SMYD2: variants seen among roughly 807,000 people sequenced by gnomAD.
SMYD2 encodes the protein N-lysine methyltransferase SMYD2.
In SMYD2, 53 loss-of-function variants were observed where a neutral mutation model predicts 59.1. That is an observed-to-expected ratio of 0.90 (90% CI 0.72 to 1.13). The LOEUF is 1.13. Among genes scored for constraint, SMYD2 ranks in the 50% most tolerant of loss-of-function variants. The pLI is 0.00. For synonymous variants in SMYD2, 208 were observed against 198.8 expected (o/e 1.05, Z -0.39); for missense variants, 494 against 544.7 (o/e 0.91, Z 0.93).
At chr1:214,328,050 ACAGT>A (rs1558057373) in intron 7 of SMYD2, among the ~76,000 whole-genome samples, 1 of 152,248 alleles carries the variant, frequency 6.6e-6, no homozygotes, top group African/African-American at 2.4e-5. Context: ...CAAAATGACC[ACAGT>A]CAAACTTTTG....
intron 10 of SMYD2, chr1:214,332,854 A>C (rs1410822393): frequency 2.0e-5 from 3 of 152,256 alleles, no homozygotes; most frequent in Middle Eastern, 3.4e-3. Context: ...AGATGGGATC[A>C]CTGGAGCTCT....
At chr1:214,332,351 C>T (rs376888777) in intron 10 of SMYD2, 159 bp downstream of exon 10, 23 of 780,060 alleles carry the variant, frequency 2.9e-5, no homozygotes, top group African/African-American at 2.4e-4. Context: ...GCACTGCTCC[C>T]GAGTCAGGCC....
chr1:214,305,003 C>T (rs1320997743), intron 1 of SMYD2, among the ~76,000 whole-genome samples, 184 bp from the exon 2 acceptor site: 5 of 152,142 alleles, frequency 3.3e-5, no homozygotes, highest in Admixed American at 1.3e-4. Flanking sequence ...ATTTGACTCA[C>T]TCACTCCTCA....
At chr1:214,288,736 A>G (rs772222178) in intron 1 of SMYD2, among the ~76,000 whole-genome samples, 5 of 152,224 alleles carry the variant, frequency 3.3e-5, no homozygotes, top group African/African-American at 4.8e-5. Context: ...AAATTTGCAT[A>G]AGAGCTACAC....
chr1:214,301,113 C>G (rs1656816825), intron 1 of SMYD2, among the ~76,000 whole-genome samples: 1 of 152,134 alleles, frequency 6.6e-6, no homozygotes, highest in Non-Finnish European at 1.5e-5. Context: ...TTGTAAGTCT[C>G]TTTAATGTCT....
intron 10 of SMYD2, chr1:214,333,147 C>G (rs1657383512): frequency 6.6e-6 from 1 of 152,338 alleles, no homozygotes; most frequent in Admixed American, 6.5e-5. Context: ...CTCTTAAAAT[C>G]TGCTCTTGGA....
intron 2 of SMYD2, among the ~76,000 whole-genome samples, chr1:214,308,571 G>A (rs902677527): frequency 6.6e-6 from 1 of 152,112 alleles, no homozygotes; most frequent in African/African-American, 2.4e-5. Flanking sequence ...CAAGAGCAGC[G>A]ATGAGGAAGG....
intron 5 of SMYD2, among the ~76,000 whole-genome samples, chr1:214,322,717 C>G (rs897436851): frequency 7.9e-5 from 12 of 152,206 alleles, no homozygotes; most frequent in African/African-American, 2.9e-4. Flanking sequence ...AATGCCTAGT[C>G]TGAATTCTGG....
At chr1:214,285,400 C>T (rs984739410) in intron 1 of SMYD2, among the ~76,000 whole-genome samples, 2 of 152,184 alleles carry the variant, frequency 1.3e-5, no homozygotes, top group Admixed American at 1.3e-4. Flanking sequence ...GTGCCCAGGA[C>T]TGCTATGACT....
At chr1:214,325,070 A>G (rs1350354945) in intron 6 of SMYD2, among the ~76,000 whole-genome samples, 12 of 152,240 alleles carry the variant, frequency 7.9e-5, no homozygotes, top group Admixed American at 7.8e-4. Context: ...TTAATTGCCA[A>G]CCAAGAATTG....
chr1:214,336,892 G>T lies in SMYD2; in HGVS notation c.*108G>T, dbSNP rs775756706. 1.0e-6 allele frequency: 1 copy of T among 977,858 alleles called. No individual in the cohort carries two copies. Among genetic ancestry groups the T allele is most frequent in the Non-Finnish European group, 1.5e-6 (1 of 674,358 alleles). 60.6% of individuals were successfully genotyped at this position (977,858 alleles called of 1,614,324 possible). A position where few individuals can be genotyped will look rare whatever the true frequency, so the allele number is the denominator to read the frequency against. ...CTCCAGCATCTCTGTAAAATAATTG[G>T]AATGAAAATACTTCTTGCACTTAAA... On this transcript the variant is annotated 3_prime_UTR_variant, in exon 12 of 12. Transcript: ENST00000366957.
rs1186016214 is a variant in SMYD2, at chr1:214,318,205, T to C, written c.409+66T>C. ...CAGATTTCACATGGGTTGGGCAGGATTGAAGCGAGGACGGGCTAGTTTGTG... is the reference window on the plus strand; with the variant it reads ...CAGATTTCACATGGGTTGGGCAGGACTGAAGCGAGGACGGGCTAGTTTGTG... On this transcript the variant is annotated intron_variant, in intron 4 of 11. Transcript: ENST00000366957. The surrounding 1 kb of genome is among the most constrained non-coding windows in gnomAD (Gnocchi z 5.4). The C allele has an allele frequency of 1.4e-6, 2 of 1,469,268 alleles. No homozygotes were observed. The highest frequency in any genetic ancestry group is 1.4e-5 in the African/African-American group (1 of 71,344). The allele number at this position is 1,469,268 out of a possible 1,614,324, so 91.0% of individuals were successfully genotyped here. A position where few individuals can be genotyped will look rare whatever the true frequency, so the allele number is the denominator to read the frequency against.
intron 2 of SMYD2, among the ~76,000 whole-genome samples, chr1:214,307,671 G>T (rs1656935353): frequency 6.6e-6 from 1 of 152,156 alleles, no homozygotes. Flanking sequence ...CTCATGAGGT[G>T]GCAGTATTTT....
chr1:214,299,838 C>T (rs563801655), intron 1 of SMYD2, among the ~76,000 whole-genome samples: 42 of 152,252 alleles, frequency 2.8e-4, no homozygotes, highest in Admixed American at 1.5e-3. Flanking sequence ...GATCTCCTGA[C>T]CTCGTGATCT....
intron 1 of SMYD2, among the ~76,000 whole-genome samples, chr1:214,301,317 T>A (rs1337569769): frequency 6.6e-6 from 1 of 152,200 alleles, no homozygotes; most frequent in East Asian, 1.9e-4. Flanking sequence ...TGATAATTGA[T>A]GTTGTCTTAA....
chr1:214,334,819 A>T (rs1657411170), intron 11 of SMYD2, among the ~76,000 whole-genome samples: 1 of 152,148 alleles, frequency 6.6e-6, no homozygotes, highest in Non-Finnish European at 1.5e-5. Flanking sequence ...GAAGAAAGTG[A>T]GGTTCAAGCA....
intron 1 of SMYD2, among the ~76,000 whole-genome samples, chr1:214,286,443 G>A (rs1042565150): frequency 2.0e-5 from 3 of 151,944 alleles, no homozygotes; most frequent in African/African-American, 7.3e-5. Flanking sequence ...CTCCAGCCTG[G>A]AAGACAAAGT....
intron 1 of SMYD2, among the ~76,000 whole-genome samples, chr1:214,290,084 C>G (rs1419915624): frequency 2.0e-5 from 3 of 152,224 alleles, no homozygotes; most frequent in African/African-American, 7.2e-5. Context: ...CTGACTTGTT[C>G]CTGCCACCCT....
At chr1:214,322,504 C>T (rs1657189262) in intron 5 of SMYD2, among the ~76,000 whole-genome samples, 1 of 152,172 alleles carries the variant, frequency 6.6e-6, no homozygotes, top group African/African-American at 2.4e-5. Context: ...CAGTACCCTC[C>T]CATTTTCTGC....
Sources: gnomAD v4.1 joint callset for allele counts (sites outside exome capture counted in the v4.1 genomes callset) on GRCh38, gnomAD v4.1.1 for gene constraint, Gnocchi (gnomAD v3.1) non-coding constraint, MANE v1.5 for transcripts, NCBI Gene and HGNC (gene_info 2026-07-23, HGNC 2026-07-21) for gene names.